The following TFEC variants were observed in gnomAD, a reference collection of about 807,000 sequenced individuals.
TFEC encodes transcription factor EC.
A neutral mutation model predicts 41.6 loss-of-function variants in TFEC; 31 were observed. The ratio of observed to expected loss-of-function variants is 0.74; its 90% CI spans 0.56 to 1.01. TFEC has a LOEUF of 1.01. Among genes scored for constraint, TFEC ranks in the 50% least tolerant of loss-of-function variants. The pLI is 0.00. For synonymous variants in TFEC, 143 were observed against 140.6 expected (o/e 1.02, Z -0.12); for missense variants, 402 against 404.1 (o/e 0.99, Z 0.04).
At chr7:116,062,220 C>T (rs1796575287) in intron 3 of TFEC, among the ~76,000 whole-genome samples, 3 of 115,332 alleles carry the variant, frequency 2.6e-5, no homozygotes, top group South Asian at 3.1e-4. Flanking sequence ...GCCAACATGC[C>T]TGGCCTTTTT....
At chr7:115,966,628 CAAGGAATGTCT>C (rs1792863413) in intron 3 of TFEC, among the ~76,000 whole-genome samples, 1 of 151,650 alleles carries the variant, frequency 6.6e-6, no homozygotes, top group Non-Finnish European at 1.5e-5. Flanking sequence ...GGATTCAAAC[CAAGGAATGTCT>C]AACACAATGT....
upstream of TFEC, among the ~76,000 whole-genome samples, chr7:116,034,687 TACAC>T (rs58308740): frequency 0.011 from 1,669 of 148,350 alleles, 34 homozygotes; most frequent in African/African-American, 0.037. Context: ...CAGGCATGCA[TACAC>T]ACACACACAC....
At chr7:116,103,316 T>C (rs746617762) in intron 3 of TFEC, among the ~76,000 whole-genome samples, 2 of 152,118 alleles carry the variant, frequency 1.3e-5, no homozygotes, top group African/African-American at 2.4e-5. Context: ...CTCTGGTAAG[T>C]GTAGTAGAAG....
chr7:116,025,598 CACAG>C (rs1428403476), intron 1 of TFEC, among the ~76,000 whole-genome samples: 1 of 152,152 alleles, frequency 6.6e-6, no homozygotes, highest in African/African-American at 2.4e-5. Flanking sequence ...AATACACACA[CACAG>C]ACAGACAGAC....
intron 6 of TFEC, among the ~76,000 whole-genome samples, chr7:115,946,700 TTTC>T (rs1420176975): frequency 1.6e-3 from 234 of 150,818 alleles, no homozygotes; most frequent in African/African-American, 5.5e-3. Context: ...TTTCTCTTCT[TTTC>T]TTTTCTTTTC....
intron 1 of TFEC, among the ~76,000 whole-genome samples, chr7:116,141,103 A>C (rs1798531666): frequency 6.6e-6 from 1 of 152,204 alleles, no homozygotes; most frequent in Non-Finnish European, 1.5e-5. Context: ...AAATTTAATT[A>C]ATAAGGCATG....
chr7:115,961,071 C>A (rs576290542), intron 3 of TFEC, among the ~76,000 whole-genome samples: 30 of 150,876 alleles, frequency 2.0e-4, no homozygotes, highest in South Asian at 6.2e-4. Flanking sequence ...TAACACACAT[C>A]TCTTCATTTT....
At chr7:116,155,792 T>TTACCAATTAA (rs1798858613) in intron 1 of TFEC, among the ~76,000 whole-genome samples, 2 of 152,150 alleles carry the variant, frequency 1.3e-5, no homozygotes, top group African/African-American at 4.8e-5. Context: ...GTCACGGGGC[T>TTACCAATTAA]GCCTAATTAT....
At chr7:115,964,877 C>A (rs1260318634) in intron 3 of TFEC, among the ~76,000 whole-genome samples, 1 of 151,536 alleles carries the variant, frequency 6.6e-6, no homozygotes, top group East Asian at 1.9e-4. Context: ...CAAAATGTCA[C>A]ACACAGCTTG....
intron 3 of TFEC, among the ~76,000 whole-genome samples, chr7:116,089,374 C>T (rs1797272472): frequency 6.6e-6 from 1 of 152,074 alleles, no homozygotes; most frequent in Admixed American, 6.6e-5. Flanking sequence ...AATTGGAGAT[C>T]TACCTCAGGA....
At chr7:116,113,420 C>A (rs1352755867) in intron 1 of TFEC, among the ~76,000 whole-genome samples, 1 of 151,950 alleles carries the variant, frequency 6.6e-6, no homozygotes, top group Non-Finnish European at 1.5e-5. Flanking sequence ...GGAATTCTCC[C>A]TCTAAGCTCT....
intron 1 of TFEC, among the ~76,000 whole-genome samples, chr7:116,146,694 A>G (rs766123182): frequency 2.2e-4 from 33 of 152,198 alleles, no homozygotes; most frequent in Non-Finnish European, 3.8e-4. Flanking sequence ...ATTGGCTCAC[A>G]GTGAAAAAGT....
chr7:116,099,790 A>G (rs1427114687), intron 3 of TFEC, among the ~76,000 whole-genome samples: 3 of 152,238 alleles, frequency 2.0e-5, no homozygotes, highest in Non-Finnish European at 4.4e-5. Context: ...AGTAGTTGGT[A>G]TTGCAACAAT....
At chr7:116,085,683 G>A (rs1797188622) in intron 3 of TFEC, among the ~76,000 whole-genome samples, 1 of 151,844 alleles carries the variant, frequency 6.6e-6, no homozygotes, top group South Asian at 2.1e-4. Flanking sequence ...AGAATAAAAT[G>A]AGTCCAAAAT....
chr7:116,050,832 A>G (rs1434764824), intron 3 of TFEC, among the ~76,000 whole-genome samples: 2 of 152,254 alleles, frequency 1.3e-5, no homozygotes, highest in African/African-American at 4.8e-5. Flanking sequence ...ATGCTGCTAT[A>G]AAGACACATG....
chr7:116,070,668 T>G (rs1796806271), intron 3 of TFEC, among the ~76,000 whole-genome samples: 1 of 151,466 alleles, frequency 6.6e-6, no homozygotes. Context: ...ACAATAAACA[T>G]TATTGTCTCC....
upstream of TFEC, among the ~76,000 whole-genome samples, chr7:116,034,955 C>A (rs1179184464): frequency 6.6e-6 from 1 of 151,692 alleles, no homozygotes; most frequent in Non-Finnish European, 1.5e-5. Context: ...CATCTTCCCC[C>A]ACTGAAACTG....
chr7:115,957,418 G>C (rs960425468), intron 3 of TFEC, among the ~76,000 whole-genome samples: 3 of 151,714 alleles, frequency 2.0e-5, no homozygotes, highest in African/African-American at 7.3e-5. Flanking sequence ...AGTGAATATA[G>C]GGTACATCCA....
At chr7:115,971,735 G>A (rs1056215216) in intron 3 of TFEC, among the ~76,000 whole-genome samples, 3 of 151,966 alleles carry the variant, frequency 2.0e-5, no homozygotes, top group Non-Finnish European at 4.4e-5. Flanking sequence ...AGGAATGGAT[G>A]TCTGAAAAAA....
Sources: allele counts gnomAD v4.1 joint callset (sites outside exome capture counted in the v4.1 genomes callset), GRCh38; gene constraint gnomAD v4.1.1; transcripts MANE v1.5; gene names NCBI Gene and HGNC (gene_info 2026-07-23, HGNC 2026-07-21).